The following APOOL variants were observed in gnomAD, a reference collection of about 807,000 sequenced individuals.
APOOL encodes apolipoprotein O like.
Under a neutral mutation model 23.1 loss-of-function variants are expected in APOOL, and 12 were observed. The ratio of observed to expected loss-of-function variants is 0.52; its 90% CI spans 0.33 to 0.84. The LOEUF (loss-of-function observed/expected upper bound fraction) is 0.84. Among genes scored for constraint, APOOL ranks in the 40% least tolerant of loss-of-function variants. APOOL has a pLI of 0.02. For missense variants in APOOL, 212 were observed against 199.6 expected (o/e 1.06, Z -0.37); for synonymous variants, 77 against 69.9 (o/e 1.10, Z -0.51).
chrX:85,071,719 C>T (rs1923668530), intron 6 of APOOL, among the ~76,000 whole-genome samples: 1 of 111,345 alleles, frequency 9.0e-6, no homozygotes, highest in Non-Finnish European at 1.9e-5. Flanking sequence ...TACAATATAC[C>T]ATACACAAAG....
rs182269396 is a variant in APOOL, at chrX:85,057,949, G to A, written c.394+2024G>A. The stretch of plus-strand genomic sequence containing the variant: ...GAAAATGTTCCTTAGGTCATTCACC[G>A]TGTTTTCAAATGTCAGAGCTAGAAT... On this transcript the variant is annotated intron_variant, in intron 5 of 8. Transcript: ENST00000373173. Among the ~76,000 whole-genome samples, 693 of 110,968 alleles carry A rather than the reference G, an allele frequency of 6.2e-3. 5 individuals carry two copies. Among genetic ancestry groups the A allele is most frequent in the African/African-American group, 0.022 (660 of 30,648 alleles).
chrX:85,055,793 G>A, intron 4 of APOOL, 34 bp from the exon 5 acceptor site: 1 of 1,009,648 alleles, frequency 9.9e-7, no homozygotes, highest in Non-Finnish European at 1.4e-6. Flanking sequence ...GTAGAATTCA[G>A]TTATTCATGT....
At chrX:85,076,488 T>A (rs1036687892) in intron 8 of APOOL, among the ~76,000 whole-genome samples, 3 of 110,604 alleles carry the variant, frequency 2.7e-5, no homozygotes, top group African/African-American at 9.9e-5. Context: ...AAGGGGACAA[T>A]AATAGTTCTC....
Position 85,003,908 on chromosome X carries a change from T to A in APOOL, c.-5T>A, listed in dbSNP as rs199674109. The A allele has an allele frequency of 9.9e-6, 12 of 1,210,067 alleles. No individual in the cohort carries two copies. The Admixed American group carries it at 2.6e-4, about 26-fold the overall frequency. ...CTGAAAACCTTGGCCGAAAGGGTTG[T>A]AGACATGGCGGCCATCAGGGTAAGC... On this transcript the variant is annotated 5_prime_UTR_variant, in exon 1 of 9. Coordinates refer to ENST00000373173, the MANE Select transcript of APOOL (RefSeq NM_198450.6).
chrX:85,058,958 T>C (rs1923079832), intron 5 of APOOL, among the ~76,000 whole-genome samples: 1 of 109,325 alleles, frequency 9.1e-6, no homozygotes, highest in African/African-American at 3.3e-5. Context: ...ACATGTGCCA[T>C]GTTGGTGTGC....
intron 1 of APOOL, among the ~76,000 whole-genome samples, chrX:85,033,159 G>C (rs974328709): frequency 5.4e-5 from 6 of 111,980 alleles, no homozygotes; most frequent in East Asian, 2.8e-4. Context: ...GTGAATCAAA[G>C]GCAGCCTTTT....
intron 6 of APOOL, among the ~76,000 whole-genome samples, chrX:85,072,611 A>G (rs777017824): frequency 2.2e-4 from 25 of 111,292 alleles, no homozygotes; most frequent in African/African-American, 7.5e-4. Context: ...ATGCTCACCA[A>G]CGGGATTTGT....
At chrX:85,025,632 A>G (rs962935583) in intron 1 of APOOL, among the ~76,000 whole-genome samples, 4 of 112,424 alleles carry the variant, frequency 3.6e-5, no homozygotes, top group Non-Finnish European at 5.6e-5. Flanking sequence ...TAAATGGGCT[A>G]CATGCCCCAT....
intron 6 of APOOL, among the ~76,000 whole-genome samples, chrX:85,071,486 G>A (rs1341249463): frequency 9.1e-6 from 1 of 110,401 alleles, no homozygotes; most frequent in Non-Finnish European, 1.9e-5. Context: ...GCTGTTTGTA[G>A]AATTACTCAG....
chrX:85,067,164 G>T lies in APOOL; in HGVS notation c.432G>T (p.Leu144=), dbSNP rs1255204710. 1 of 1,160,714 alleles carries T rather than the reference G, an allele frequency of 8.6e-7. No individual in the cohort carries two copies. The highest frequency in any genetic ancestry group is 1.9e-5 in the South Asian group (1 of 51,498). The change falls in exon 6 of 9, where the codon CTG becomes CTT. Residue 144 remains leucine (L), a synonymous_variant. Coordinates refer to ENST00000373173, the MANE Select transcript of APOOL (RefSeq NM_198450.6). ...KFKKITYPLG[L]ATLGATVCYP... is the part of the protein sequence containing the mutation. ...AGAAAATTACTTATCCTCTGGGACT[G>T]GCCACTTTAGGAGCAACTGTTTGCT...
chrX:85,040,150 C>T (rs916350852), intron 1 of APOOL, among the ~76,000 whole-genome samples: 2 of 111,823 alleles, frequency 1.8e-5, no homozygotes, highest in Non-Finnish European at 3.8e-5. Flanking sequence ...TTCTCATTAG[C>T]TTATGAAGCA....
rs1459760592 is a variant in APOOL, at chrX:85,088,024, A to ATGTATAAATACG, written c.*347_*348insGTATAAATACGT. The ATGTATAAATACG allele has an allele frequency of 3.9e-4, 40 of 102,744 alleles. No homozygotes were observed. Among genetic ancestry groups the ATGTATAAATACG allele is most frequent in the African/African-American group, 1.3e-3 (37 of 27,757 alleles). 8.5% of individuals were successfully genotyped at this position (102,744 alleles called of 1,213,427 possible). ...TATATATGTATGTATAAATACATAC[A>ATGTATAAATACG]TATTTATACATGTATAAATACGTAT... On this transcript the variant is annotated 3_prime_UTR_variant, in exon 9 of 9. Coordinates refer to ENST00000373173, the MANE Select transcript of APOOL (RefSeq NM_198450.6).
chrX:85,049,091 C>T (rs1454395393), intron 2 of APOOL, among the ~76,000 whole-genome samples: 1 of 111,396 alleles, frequency 9.0e-6, no homozygotes, highest in Non-Finnish European at 1.9e-5. Flanking sequence ...CAGAAAAATA[C>T]TGATTTGAGA....
chrX:85,081,381 G>A (rs758349009), intron 8 of APOOL, among the ~76,000 whole-genome samples: 99 of 111,123 alleles, frequency 8.9e-4, no homozygotes, highest in African/African-American at 3.1e-3. Context: ...ATTCTGGGTT[G>A]GAAATTCTTT....
intron 1 of APOOL, among the ~76,000 whole-genome samples, chrX:85,034,284 A>G (rs1235380512): frequency 1.8e-5 from 2 of 111,598 alleles, no homozygotes; most frequent in African/African-American, 6.5e-5. Flanking sequence ...GTTGTATTTG[A>G]TCATGTTTCC....
At chrX:85,076,792 G>A (rs1222663303) in intron 8 of APOOL, among the ~76,000 whole-genome samples, 1 of 108,240 alleles carries the variant, frequency 9.2e-6, no homozygotes, top group Non-Finnish European at 1.9e-5. Flanking sequence ...ACCATCTCAT[G>A]TACATTAATG....
intron 5 of APOOL, among the ~76,000 whole-genome samples, chrX:85,061,722 G>A (rs1170989372): frequency 9.0e-6 from 1 of 111,725 alleles, no homozygotes; most frequent in Non-Finnish European, 1.9e-5. Context: ...GGGATTGGTG[G>A]TGATATCCCC....
At chrX:85,024,168 C>A (rs948200961) in intron 1 of APOOL, among the ~76,000 whole-genome samples, 35 of 112,313 alleles carry the variant, frequency 3.1e-4, no homozygotes, top group African/African-American at 1.1e-3. Flanking sequence ...GCATTTTAAA[C>A]CAGCAAGGTG....
At chrX:85,008,617 C>T (rs1921162981) in intron 1 of APOOL, among the ~76,000 whole-genome samples, 4 of 102,984 alleles carry the variant, frequency 3.9e-5, no homozygotes, top group South Asian at 4.8e-4. Context: ...GCAGACACTT[C>T]GATTAGACAC....
Sources: gnomAD v4.1 joint callset for allele counts (sites outside exome capture counted in the v4.1 genomes callset) on GRCh38, gnomAD v4.1.1 for gene constraint, MANE v1.5 for transcripts, NCBI Gene and HGNC (gene_info 2026-07-23, HGNC 2026-07-21) for gene names.